MYO5A: variants seen among roughly 807,000 people sequenced by gnomAD.
MYO5A encodes myosin VA.
Under a neutral mutation model 249.7 loss-of-function variants are expected in MYO5A, and 98 were observed. The ratio of observed to expected loss-of-function variants is 0.39; its 90% CI spans 0.33 to 0.46. The LOEUF is 0.46. Ranked by LOEUF, MYO5A falls within the 20% of genes least tolerant of loss-of-function variation. The pLI, the probability that MYO5A is intolerant of heterozygous loss-of-function variation, is 0.98. For synonymous variants in MYO5A, 778 were observed against 810.6 expected, an observed-to-expected ratio of 0.96 and a Z score of 0.68; for missense variants, 1,696 against 2,308.8, an observed-to-expected ratio of 0.73 and a Z score of 5.44.
intron 1 of MYO5A, among the ~76,000 whole-genome samples, chr15:52,460,066 C>T (rs896260847): frequency 2.0e-5 from 3 of 148,386 alleles, no homozygotes; most frequent in African/African-American, 2.5e-5. Flanking sequence ...GGGGCAGAGG[C>T]GCTCCCCACA....
At chr15:52,405,226 C>A (rs1283224686) in intron 9 of MYO5A, 61 bp downstream of exon 9, 2 of 1,242,666 alleles carry the variant, frequency 1.6e-6, no homozygotes, top group Non-Finnish European at 2.4e-6. Context: ...CTTCTTTAAA[C>A]AATCTACAAA....
Position 52,313,574 on chromosome 15 carries a change from T to C in MYO5A, c.*122A>G, listed in dbSNP as rs2037852299. The stretch of plus-strand genomic sequence containing the variant: ...TCTAGGGAGATTTCCAGTTAATGAC[T>C]TCTCATTTGGGAGATAATCAGTACT... On this transcript the variant is annotated 3_prime_UTR_variant, in exon 42 of 42. Transcript: ENST00000399233. The C allele has an allele frequency of 4.8e-6, 6 of 1,248,112 alleles. No homozygotes were observed. Among genetic ancestry groups the C allele is most frequent in the Non-Finnish European group, 6.9e-6 (6 of 873,066 alleles). The allele number at this position is 1,248,112 out of a possible 1,614,324, so 77.3% of individuals were successfully genotyped here. A position where few individuals can be genotyped will look rare whatever the true frequency, so the allele number is the denominator to read the frequency against.
intron 36 of MYO5A, 178 bp from the exon 37 acceptor site, chr15:52,323,622 G>A: frequency 5.4e-6 from 3 of 553,776 alleles, no homozygotes; most frequent in Non-Finnish European, 9.7e-6. Context: ...CAGCGACCAG[G>A]TTCATCAGTT....
intron 1 of MYO5A, 32 bp from the exon 2 acceptor site, chr15:52,433,317 G>T (rs779730775): frequency 8.2e-7 from 1 of 1,215,768 alleles, no homozygotes; most frequent in South Asian, 1.2e-5. Flanking sequence ...ATTTAAACTA[G>T]CAAATCAATT....
Position 52,317,002 on chromosome 15 carries a change from C to CCAAAGA in MYO5A, c.5409+45_5409+46insTCTTTG. The CCAAAGA allele has an allele frequency of 1.9e-6, 3 of 1,582,936 alleles. No homozygotes were observed. In the South Asian group the frequency reaches 3.3e-5, roughly 18 times the overall value. On this transcript the variant is annotated intron_variant, in intron 40 of 41. Transcript: ENST00000399233. ...ACTTCTTTACTTCCCTAAAGATCATCTTTGATGAATGTTAAATTATTTTGT... is the reference window on the plus strand; with the variant it reads ...ACTTCTTTACTTCCCTAAAGATCATCCAAAGATTTGATGAATGTTAAATTATTTTGT...
Position 52,342,992 on chromosome 15 carries a change from C to T in MYO5A, c.4040+125G>A, listed in dbSNP as rs980106555. The T allele has an allele frequency of 5.1e-6, 4 of 778,688 alleles. No homozygotes were observed. The African/African-American group carries it at 6.8e-5, about 13-fold the overall frequency. The allele number at this position is 778,688 out of a possible 1,614,324, so 48.2% of individuals were successfully genotyped here. On this transcript the variant is annotated intron_variant, in intron 31 of 41. Transcript: ENST00000399233. Reference sequence around the variant, plus strand: ...AAGCTTTGAACAAATAACACAATTACTAACACTAATTTACCCAAGAAGACA... The same window carrying T: ...AAGCTTTGAACAAATAACACAATTATTAACACTAATTTACCCAAGAAGACA...
chr15:52,322,262 G>A (rs1215398017), intron 37 of MYO5A, among the ~76,000 whole-genome samples: 6 of 152,362 alleles, frequency 3.9e-5, no homozygotes, highest in African/African-American at 1.4e-4. Flanking sequence ...CCCTCTGAGG[G>A]ATTCTGGTCT....
At chr15:52,359,926 A>G in intron 25 of MYO5A, 42 bp downstream of exon 25, 1 of 1,373,606 alleles carries the variant, frequency 7.3e-7, no homozygotes. Context: ...TAACAACAGC[A>G]TGCTCATATC....
chr15:52,432,779 T>C (rs2075569742), intron 2 of MYO5A, among the ~76,000 whole-genome samples: 1 of 152,180 alleles, frequency 6.6e-6, no homozygotes, highest in African/African-American at 2.4e-5. Context: ...CCAACTAGTA[T>C]CTTCCCCTCA....
intron 14 of MYO5A, among the ~76,000 whole-genome samples, chr15:52,386,109 G>A (rs1596386257): frequency 6.6e-6 from 1 of 152,218 alleles, no homozygotes; most frequent in East Asian, 1.9e-4. Context: ...TTGAGACCAG[G>A]AGTTCAAGAC....
intron 5 of MYO5A, among the ~76,000 whole-genome samples, chr15:52,411,163 CA>C (rs2043231540): frequency 6.6e-6 from 1 of 151,912 alleles, no homozygotes; most frequent in Non-Finnish European, 1.5e-5. Flanking sequence ...TATTTTTTTC[CA>C]AAAAACTTCA....
intron 5 of MYO5A, among the ~76,000 whole-genome samples, chr15:52,411,359 C>G (rs946406502): frequency 1.3e-5 from 2 of 152,040 alleles, no homozygotes; most frequent in Non-Finnish European, 2.9e-5. Context: ...TTTTCAGAAC[C>G]AGAAAAAGTA....
chr15:52,431,847 G>C (rs1484807316), intron 2 of MYO5A, among the ~76,000 whole-genome samples: 1 of 152,042 alleles, frequency 6.6e-6, no homozygotes, highest in African/African-American at 2.4e-5. Context: ...AATTAGCCAG[G>C]CATGGTGGCT....
chr15:52,358,258 G>C (rs1183480282), intron 25 of MYO5A, among the ~76,000 whole-genome samples: 1 of 152,198 alleles, frequency 6.6e-6, no homozygotes, highest in Non-Finnish European at 1.5e-5. Context: ...CAGCAGAGCT[G>C]CTAAAGTGGT....
chr15:52,460,732 TA>T (rs1444972858), intron 1 of MYO5A, among the ~76,000 whole-genome samples: 1 of 152,024 alleles, frequency 6.6e-6, no homozygotes, highest in Non-Finnish European at 1.5e-5. Flanking sequence ...CTAAGCTATA[TA>T]AAGACTTTAA....
chr15:52,372,288 T>C lies in MYO5A; in HGVS notation c.2653A>G (p.Ser885Gly). ...GWLARTHYKR[S>G]MHAIIYLQCC... ...TGAAGGTAGATGATGGCATGCATGCTCCTCTTGTAGTGTGTGCGGGCCAGC... is the reference window on the plus strand; with the variant it reads ...TGAAGGTAGATGATGGCATGCATGCCCCTCTTGTAGTGTGTGCGGGCCAGC... Residue 885 changes from serine (S) to glycine (G), a missense_variant, in exon 21 of 42, where the codon AGC becomes GGC. Ser to Gly is a moderately conservative substitution (Grantham distance 56). Transcript: ENST00000399233. 6.2e-7 allele frequency: 1 copy of C among 1,610,808 alleles called. No individual in the cohort carries two copies. The highest frequency in any genetic ancestry group is 8.5e-7 in the Non-Finnish European group (1 of 1,180,018).
At chr15:52,452,793 A>G (rs932540239) in intron 1 of MYO5A, among the ~76,000 whole-genome samples, 1 of 151,568 alleles carries the variant, frequency 6.6e-6, no homozygotes, top group Non-Finnish European at 1.5e-5. Context: ...AGTTGCAGTG[A>G]GCCAAGATTG....
chr15:52,387,652 C>T lies in MYO5A; in HGVS notation c.1752+177G>A, dbSNP rs1169553984. ...GAGTCATTAGATGAGTTAGCATTTT[C>T]AATACATTTAGAACAGGACCTGACA... On this transcript the variant is annotated intron_variant, in intron 14 of 41. Transcript: ENST00000399233. 20 of 577,240 alleles carry T rather than the reference C, an allele frequency of 3.5e-5. 1 individual carries two copies. The East Asian group carries it at 5.9e-4, about 17-fold the overall frequency. The allele number at this position is 577,240 out of a possible 1,614,324, so 35.8% of individuals were successfully genotyped here. A position where few individuals can be genotyped will look rare whatever the true frequency, so the allele number is the denominator to read the frequency against.
At chr15:52,389,515 A>C (rs533051279) in intron 12 of MYO5A, 152 bp from the exon 13 acceptor site, 4 of 768,122 alleles carry the variant, frequency 5.2e-6, no homozygotes, top group Non-Finnish European at 8.1e-6. Context: ...TCCACATTTC[A>C]TTGTTAGAGG....
Sources: allele counts gnomAD v4.1 joint callset (sites outside exome capture counted in the v4.1 genomes callset), GRCh38; gene constraint gnomAD v4.1.1; transcripts MANE v1.5; gene names NCBI Gene and HGNC (gene_info 2026-07-23, HGNC 2026-07-21).